MDGA2: variants seen among roughly 807,000 people sequenced by gnomAD.
MDGA2 encodes the protein MAM domain containing glycosylphosphatidylinositol anchor 2.
A neutral mutation model predicts 117.8 loss-of-function variants in MDGA2; 40 were observed. The observed-to-expected ratio is 0.34, with a 90% CI of 0.26 to 0.44. MDGA2 has a LOEUF of 0.44. Ranked by LOEUF, MDGA2 falls within the 20% of genes least tolerant of loss-of-function variation. The probability of loss-of-function intolerance (pLI) is 1.00; values close to 1 mark genes in which losing one functional copy is unlikely to be tolerated. For missense variants in MDGA2, 1,123 were observed against 1,250.6 expected (o/e 0.90, Z 1.54); for synonymous variants, 452 against 439.0 (o/e 1.03, Z -0.37).
chr14:47,366,857 A>G (rs1301796879), intron 1 of MDGA2, among the ~76,000 whole-genome samples: 1 of 150,420 alleles, frequency 6.6e-6, no homozygotes, highest in Non-Finnish European at 1.5e-5. Context: ...ATTATGTTTG[A>G]TACTATGTTT....
At chr14:47,216,235 T>A (rs1886083771) in intron 3 of MDGA2, among the ~76,000 whole-genome samples, 2 of 152,198 alleles carry the variant, frequency 1.3e-5, no homozygotes, top group Admixed American at 1.3e-4. Flanking sequence ...ATATTTAACT[T>A]GTTAACCCAG....
intron 15 of MDGA2, among the ~76,000 whole-genome samples, chr14:46,852,781 T>C (rs1052521629): frequency 1.7e-4 from 26 of 152,036 alleles, no homozygotes; most frequent in African/African-American, 5.8e-4. Flanking sequence ...AACATTACTC[T>C]AGTCTCGCCT....
chr14:46,918,719 T>A (rs1208660218), intron 10 of MDGA2, among the ~76,000 whole-genome samples: 1 of 150,872 alleles, frequency 6.6e-6, no homozygotes, highest in Admixed American at 6.6e-5. Flanking sequence ...TTTTTGAGAA[T>A]CTTAAACAGG....
In MDGA2 at chr14:47,577,491, G is replaced by C. The variant is rs182062164; in HGVS notation, c.280+97026C>G. ...TGCACAGCAAAAGAAACTATCATCA[G>C]AGGGAACAGACAACCTACAGAATGG... On this transcript the variant is annotated intron_variant, in intron 1 of 16. Transcript: ENST00000399232. Among the ~76,000 whole-genome samples the C allele has an allele frequency of 3.8e-4, 58 of 152,276 alleles. 1 individual carries two copies. The East Asian group carries it at 0.01, about 26-fold the overall frequency.
chr14:47,007,977 C>G (rs181488818), intron 8 of MDGA2, among the ~76,000 whole-genome samples: 1 of 151,844 alleles, frequency 6.6e-6, no homozygotes. Flanking sequence ...TTTTGGAAAG[C>G]ATGCAATTTC....
intron 1 of MDGA2, among the ~76,000 whole-genome samples, chr14:47,508,828 C>T (rs1286654841): frequency 1.3e-5 from 2 of 151,948 alleles, no homozygotes; most frequent in African/African-American, 4.8e-5. Context: ...TACAGGCACC[C>T]ACCACTATGC....
intron 1 of MDGA2, among the ~76,000 whole-genome samples, chr14:47,537,572 GT>G (rs547693408): frequency 0.016 from 423 of 27,238 alleles, 24 homozygotes; most frequent in East Asian, 0.042. Context: ...CCTTCTCTCT[GT>G]TAAAAAAAAA....
intron 10 of MDGA2, among the ~76,000 whole-genome samples, chr14:46,898,168 ATCAG>A (rs1443268901): frequency 6.6e-6 from 1 of 152,094 alleles, no homozygotes; most frequent in Non-Finnish European, 1.5e-5. Flanking sequence ...GGTCTGTATA[ATCAG>A]TAAGAAAAAT....
At chr14:47,180,875 C>A (rs569850287) in intron 3 of MDGA2, among the ~76,000 whole-genome samples, 2 of 152,080 alleles carry the variant, frequency 1.3e-5, no homozygotes, top group East Asian at 3.9e-4. Context: ...GAGCTGAGAT[C>A]GTGCCACTGC....
chr14:47,298,599 C>A (rs915732155), intron 2 of MDGA2, among the ~76,000 whole-genome samples: 8 of 151,950 alleles, frequency 5.3e-5, no homozygotes, highest in African/African-American at 1.7e-4. Flanking sequence ...GCCCTTTAGA[C>A]TTTGGCCGGG....
chr14:47,085,732 A>G (rs1890872634), intron 6 of MDGA2, among the ~76,000 whole-genome samples: 1 of 152,112 alleles, frequency 6.6e-6, no homozygotes, highest in South Asian at 2.1e-4. Flanking sequence ...TAAACTTGAC[A>G]ACTGAACTGG....
At chr14:47,569,577 T>C (rs1267632823) in intron 1 of MDGA2, among the ~76,000 whole-genome samples, 1 of 152,122 alleles carries the variant, frequency 6.6e-6, no homozygotes, top group Admixed American at 6.6e-5. Flanking sequence ...CCAAAAATGG[T>C]AGGGCAGTAA....
chr14:47,103,890 C>G (rs558123957), intron 5 of MDGA2, among the ~76,000 whole-genome samples: 1 of 152,326 alleles, frequency 6.6e-6, no homozygotes, highest in African/African-American at 2.4e-5. Flanking sequence ...TCTACAGCAT[C>G]TACTAGATAT....
At chr14:47,058,841 T>C in intron 7 of MDGA2, 1 of 985,798 alleles carries the variant, frequency 1.0e-6, no homozygotes, top group Non-Finnish European at 1.2e-6. Flanking sequence ...CTAGGCCATC[T>C]AGCCTCAAGA....
chr14:47,114,475 G>A (rs1258827905), intron 5 of MDGA2, among the ~76,000 whole-genome samples: 1 of 151,888 alleles, frequency 6.6e-6, no homozygotes, highest in African/African-American at 2.4e-5. Flanking sequence ...ACAATCCTAA[G>A]CAAAAAAGAA....
intron 8 of MDGA2, among the ~76,000 whole-genome samples, chr14:46,969,771 C>T (rs1190136376): frequency 6.6e-6 from 1 of 151,458 alleles, no homozygotes; most frequent in Non-Finnish European, 1.5e-5. Flanking sequence ...ACATCACACA[C>T]CGGGGCCCGT....
intron 1 of MDGA2, among the ~76,000 whole-genome samples, chr14:47,312,498 A>T (rs1267348749): frequency 1.3e-5 from 2 of 152,132 alleles, no homozygotes; most frequent in Non-Finnish European, 2.9e-5. Context: ...GAGTTTGTTA[A>T]TAAAATAAAC....
chr14:47,123,993 C>T (rs776736350), intron 5 of MDGA2, among the ~76,000 whole-genome samples: 2 of 152,044 alleles, frequency 1.3e-5, no homozygotes, highest in African/African-American at 2.4e-5. Context: ...TTACAGGGAA[C>T]ATCTTATTCT....
At chr14:47,668,562 G>A (rs185684708) in intron 1 of MDGA2, among the ~76,000 whole-genome samples, 167 of 152,204 alleles carry the variant, frequency 1.1e-3, no homozygotes, top group Non-Finnish European at 2.0e-3. Context: ...ATAAAGATAG[G>A]ATATAGTTTT....
Sources: allele counts gnomAD v4.1 joint callset (sites outside exome capture counted in the v4.1 genomes callset), GRCh38; gene constraint gnomAD v4.1.1; transcripts MANE v1.5; gene names NCBI Gene and HGNC (gene_info 2026-07-23, HGNC 2026-07-21).